The following CCDC187 variants were observed in gnomAD, a reference collection of about 807,000 sequenced individuals.
CCDC187 encodes coiled-coil domain-containing protein 187.
In CCDC187, 32 loss-of-function variants were observed where a neutral mutation model predicts 38.0. The ratio of observed to expected loss-of-function variants is 0.84; its 90% CI spans 0.64 to 1.13. The LOEUF is 1.13. CCDC187 is among the 50% of genes most tolerant of loss of function. The probability of loss-of-function intolerance (pLI) is 0.00; values close to 1 mark genes in which losing one functional copy is unlikely to be tolerated. For synonymous variants in CCDC187, 333 were observed against 347.9 expected (o/e 0.96, Z 0.48); for missense variants, 707 against 786.8 (o/e 0.90, Z 1.21).
At chr9:136,298,725 C>G (rs1450861045) in intron 3 of CCDC187, among the ~76,000 whole-genome samples, 1 of 152,260 alleles carries the variant, frequency 6.6e-6, no homozygotes, top group Non-Finnish European at 1.5e-5. Context: ...TGATCCCACT[C>G]TATGCGGTCC....
intron 9 of CCDC187, among the ~76,000 whole-genome samples, chr9:136,284,868 C>CTA (rs1182376269): frequency 6.6e-5 from 10 of 152,280 alleles, no homozygotes; most frequent in African/African-American, 1.7e-4. Context: ...TCACGAGCAT[C>CTA]TAACTCAGTT....
chr9:136,278,937 T>C (rs943602999), intron 10 of CCDC187, among the ~76,000 whole-genome samples: 4 of 152,276 alleles, frequency 2.6e-5, no homozygotes, highest in Admixed American at 6.5e-5. Flanking sequence ...CAGAAGGTTC[T>C]GGTGGACAGT....
chr9:136,293,969 C>T (rs1831460159), intron 4 of CCDC187, among the ~76,000 whole-genome samples: 1 of 109,240 alleles, frequency 9.2e-6, no homozygotes, highest in Non-Finnish European at 1.9e-5. Flanking sequence ...TACACATGCC[C>T]TCACATGCTC....
intron 10 of CCDC187, among the ~76,000 whole-genome samples, chr9:136,280,352 C>T (rs1831014479): frequency 1.3e-5 from 2 of 152,332 alleles, no homozygotes; most frequent in African/African-American, 4.8e-5. Flanking sequence ...GGGGCAGGTG[C>T]ATACCAGGGC....
rs1210880212 is a variant in CCDC187, at chr9:136,254,420, G to A, written c.5408C>T (p.Pro1803Leu). The change falls in exon 26 of 26, where the codon CCT becomes CTT. Residue 1803 changes from proline to leucine, a missense_variant. By Grantham distance (98) the Pro-to-Leu change is moderately conservative (BLOSUM62 -3). Coordinates refer to ENST00000638797, the MANE Select transcript of CCDC187 (RefSeq NM_001378188.1). Reference protein sequence around the residue: ...LGSGVEPQVAPPSPRSGEGRE... With the variant: ...LGSGVEPQVALPSPRSGEGRE... ...CCCCTCCCCGGACCGTGGGGAGGGA[G>A]GAGCCACCTGGGGCTCCACGCCGCT... 2.0e-6 allele frequency: 2 copies of A among 984,448 alleles called. No homozygotes were observed. The highest frequency in any genetic ancestry group is 2.4e-6 in the Non-Finnish European group (2 of 829,402). The allele number at this position is 984,448 out of a possible 1,614,324, so 61.0% of individuals were successfully genotyped here.
chr9:136,289,923 G>T, intron 7 of CCDC187, 36 bp downstream of exon 7: 2 of 361,046 alleles, frequency 5.5e-6, no homozygotes, highest in Non-Finnish European at 9.8e-6. Flanking sequence ...CCAAGGCCCC[G>T]CCCGGCATGT....
At chr9:136,274,050 T>A (rs1431128268) in intron 14 of CCDC187, among the ~76,000 whole-genome samples, 1 of 152,116 alleles carries the variant, frequency 6.6e-6, no homozygotes, top group Non-Finnish European at 1.5e-5. Flanking sequence ...TGCAGAGAGC[T>A]TTCCCACCAG....
chr9:136,302,087 G>C (rs1831699796), intron 2 of CCDC187, among the ~76,000 whole-genome samples: 2 of 151,950 alleles, frequency 1.3e-5, no homozygotes, highest in South Asian at 4.2e-4. Flanking sequence ...ACGGGTGCCT[G>C]TAATCCCAGC....
At chr9:136,272,295 A>G (rs1337152740) in intron 14 of CCDC187, among the ~76,000 whole-genome samples, 2 of 152,272 alleles carry the variant, frequency 1.3e-5, no homozygotes, top group Non-Finnish European at 2.9e-5. Context: ...TATATTATTT[A>G]AAACTTTTAA....
chr9:136,270,657 C>T (rs1830825460), intron 14 of CCDC187, among the ~76,000 whole-genome samples: 1 of 152,192 alleles, frequency 6.6e-6, no homozygotes, highest in African/African-American at 2.4e-5. Context: ...TAATATCTAA[C>T]CTCCCACAAG....
chr9:136,271,671 G>C (rs191150707), intron 14 of CCDC187, among the ~76,000 whole-genome samples: 1 of 143,178 alleles, frequency 7.0e-6, no homozygotes, highest in Admixed American at 7.1e-5. Flanking sequence ...GCGGTGGCGC[G>C]ATCTCGGCTC....
chr9:136,299,560 T>C (rs987238852), intron 3 of CCDC187, among the ~76,000 whole-genome samples: 22 of 152,184 alleles, frequency 1.4e-4, no homozygotes, highest in Non-Finnish European at 2.8e-4. Context: ...AGCAGCAGAG[T>C]GAGCCTGCCC....
intron 18 of CCDC187, among the ~76,000 whole-genome samples, chr9:136,262,900 C>G (rs1369830428): frequency 6.6e-6 from 1 of 152,100 alleles, no homozygotes; most frequent in Non-Finnish European, 1.5e-5. Flanking sequence ...TCCCCCACCC[C>G]TTGTCCACAC....
At chr9:136,293,397 A>ACACATG (rs1831413912) in intron 4 of CCDC187, among the ~76,000 whole-genome samples, 6 of 75,058 alleles carry the variant, frequency 8.0e-5, no homozygotes, top group East Asian at 5.1e-4. Context: ...ATGCTCACAC[A>ACACATG]CTCACAAACA....
intron 4 of CCDC187, 33 bp from the exon 5 acceptor site, chr9:136,292,328 G>GC (rs1831353570): frequency 2.5e-6 from 1 of 398,500 alleles, no homozygotes; most frequent in South Asian, 1.3e-4. Flanking sequence ...ACAGCCGGGC[G>GC]CCCCATGGCC....
rs1830596229 is a variant in CCDC187, at chr9:136,255,095, A to G, written c.4733T>C (p.Leu1578Pro). The G allele has an allele frequency of 2.0e-6, 2 of 985,552 alleles. No individual in the cohort carries two copies. Among genetic ancestry groups the G allele is most frequent in the South Asian group, 4.7e-5 (1 of 21,294 alleles). 61.1% of individuals were successfully genotyped at this position (985,552 alleles called of 1,614,324 possible). A position where few individuals can be genotyped will look rare whatever the true frequency, so the allele number is the denominator to read the frequency against. Residue 1578 changes from leucine (L) to proline (P), a missense_variant, in exon 26 of 26, where the codon CTG becomes CCG. Coordinates refer to ENST00000638797, the MANE Select transcript of CCDC187 (RefSeq NM_001378188.1). ...GGGGAGAAGGGGACTGCCCTGGTGCAGGATTGGGGGCGCCGCCTCCTCAGG... is the reference window on the plus strand; with the variant it reads ...GGGGAGAAGGGGACTGCCCTGGTGCGGGATTGGGGGCGCCGCCTCCTCAGG... The part of the protein sequence containing the change: ...VVPEEAAPPI[L>P]HQGSPLLPTT...
intron 10 of CCDC187, among the ~76,000 whole-genome samples, 191 bp from the exon 11 acceptor site, chr9:136,276,918 G>C (rs1465218646): frequency 6.6e-6 from 1 of 152,182 alleles, no homozygotes; most frequent in East Asian, 2.0e-4. Context: ...CCATCAACAA[G>C]AGCCCCTGCC....
intron 10 of CCDC187, among the ~76,000 whole-genome samples, chr9:136,278,097 C>G (rs1830968040): frequency 6.6e-6 from 1 of 152,238 alleles, no homozygotes; most frequent in Non-Finnish European, 1.5e-5. Flanking sequence ...GAAGTGAAGA[C>G]ACTCTTACAC....
intron 4 of CCDC187, among the ~76,000 whole-genome samples, chr9:136,292,687 G>A (rs1227725389): frequency 1.3e-5 from 2 of 152,190 alleles, no homozygotes; most frequent in Non-Finnish European, 2.9e-5. Flanking sequence ...AGTGACAACC[G>A]CGAGCCAGCA....
Sources: allele counts gnomAD v4.1 joint callset (sites outside exome capture counted in the v4.1 genomes callset), GRCh38; gene constraint gnomAD v4.1.1; transcripts MANE v1.5; gene names NCBI Gene and HGNC (gene_info 2026-07-23, HGNC 2026-07-21).